Variants in YTHDF3 observed in about 807,000 individuals in gnomAD.
YTHDF3 encodes YTH N6-methyladenosine RNA binding protein F3.
In YTHDF3, 9 loss-of-function variants were observed where a neutral mutation model predicts 52.5. The observed-to-expected ratio is 0.17, with a 90% CI of 0.10 to 0.30. The LOEUF is 0.30. Among genes scored for constraint, YTHDF3 ranks in the 10% least tolerant of loss-of-function variants. The pLI, the probability that YTHDF3 is intolerant of heterozygous loss-of-function variation, is 1.00. For synonymous variants in YTHDF3, 274 were observed against 243.3 expected, an observed-to-expected ratio of 1.13 and a Z score of -1.18; for missense variants, 534 against 715.0, an observed-to-expected ratio of 0.75 and a Z score of 2.89.
At chr8:63,202,753 G>A (rs930227505) in intron 4 of YTHDF3, among the ~76,000 whole-genome samples, 6 of 152,024 alleles carry the variant, frequency 3.9e-5, no homozygotes, top group African/African-American at 1.2e-4. Flanking sequence ...ATGAGCCACC[G>A]CACCTGGCCT....
At chr8:63,174,687 T>G (rs1352253764) in intron 2 of YTHDF3, among the ~76,000 whole-genome samples, 1 of 152,220 alleles carries the variant, frequency 6.6e-6, no homozygotes. Context: ...TATGGCTATC[T>G]TTTGTGTCTT....
intron 4 of YTHDF3, among the ~76,000 whole-genome samples, chr8:63,204,132 T>C (rs1809827455): frequency 6.6e-6 from 1 of 152,172 alleles, no homozygotes; most frequent in African/African-American, 2.4e-5. Context: ...CTTCTGTTTG[T>C]TCTTTTTTCT....
intron 4 of YTHDF3, among the ~76,000 whole-genome samples, chr8:63,196,388 G>A (rs1052663013): frequency 2.0e-5 from 3 of 151,480 alleles, no homozygotes; most frequent in Non-Finnish European, 4.4e-5. Context: ...ATGGTGAAAC[G>A]CTGTCTCTAC....
chr8:63,188,390 G>C (rs1047192540), intron 4 of YTHDF3, among the ~76,000 whole-genome samples: 1 of 150,830 alleles, frequency 6.6e-6, no homozygotes, highest in Non-Finnish European at 1.5e-5. Context: ...GTACTGGCGT[G>C]AACATGGCTC....
intron 3 of YTHDF3, among the ~76,000 whole-genome samples, chr8:63,182,156 A>G (rs1049213645): frequency 6.6e-6 from 1 of 151,114 alleles, no homozygotes; most frequent in Non-Finnish European, 1.5e-5. Flanking sequence ...GCAGCCTCGA[A>G]CTCCTGGGCC....
chr8:63,190,993 T>C (rs1288241403), intron 4 of YTHDF3, among the ~76,000 whole-genome samples: 1 of 152,214 alleles, frequency 6.6e-6, no homozygotes, highest in African/African-American at 2.4e-5. Context: ...TTGGTCAGAA[T>C]ATGTAAGCAA....
chr8:63,172,531 C>T (rs944874824), intron 2 of YTHDF3: 3 of 383,472 alleles, frequency 7.8e-6, no homozygotes, highest in Middle Eastern at 6.7e-4. Flanking sequence ...ATTCTCTCCT[C>T]GTCCTCCCGA....
intron 3 of YTHDF3, among the ~76,000 whole-genome samples, chr8:63,180,654 A>G (rs959569437): frequency 2.0e-5 from 3 of 152,224 alleles, no homozygotes; most frequent in African/African-American, 7.2e-5. Context: ...GCGAGCCGAG[A>G]TCACGCCACT....
At chr8:63,181,918 A>G (rs1321737172) in intron 3 of YTHDF3, among the ~76,000 whole-genome samples, 3 of 152,228 alleles carry the variant, frequency 2.0e-5, no homozygotes, top group African/African-American at 7.2e-5. Flanking sequence ...TGACATGATT[A>G]GATATGCATA....
intron 4 of YTHDF3, among the ~76,000 whole-genome samples, chr8:63,198,714 T>C (rs1277486596): frequency 1.3e-5 from 2 of 152,356 alleles, no homozygotes; most frequent in Non-Finnish European, 2.9e-5. Context: ...AAAATAGTTA[T>C]ACTTATGACA....
intron 3 of YTHDF3, among the ~76,000 whole-genome samples, chr8:63,184,822 C>T (rs543393804): frequency 1.3e-5 from 2 of 152,152 alleles, no homozygotes; most frequent in African/African-American, 2.4e-5. Flanking sequence ...TTGCATAATT[C>T]TACAAATTGT....
intron 4 of YTHDF3, among the ~76,000 whole-genome samples, chr8:63,196,134 GCCAGTATT>G (rs1228584818): frequency 6.6e-6 from 1 of 151,940 alleles, no homozygotes; most frequent in Non-Finnish European, 1.5e-5. Context: ...GGTGGCAAGT[GCCAGTATT>G]CCAGCTACTT....
chr8:63,175,070 C>T (rs1807594131), intron 2 of YTHDF3, among the ~76,000 whole-genome samples: 1 of 152,084 alleles, frequency 6.6e-6, no homozygotes, highest in South Asian at 2.1e-4. Context: ...GGGATATTTA[C>T]TTAAAGTTTT....
intron 4 of YTHDF3, among the ~76,000 whole-genome samples, chr8:63,205,931 A>G (rs1395670135): frequency 6.6e-6 from 1 of 152,118 alleles, no homozygotes; most frequent in African/African-American, 2.4e-5. Flanking sequence ...TGTTCTGTTG[A>G]TGGACTTTTT....
chr8:63,174,725 T>C (rs1277969007), intron 2 of YTHDF3, among the ~76,000 whole-genome samples: 4 of 152,222 alleles, frequency 2.6e-5, no homozygotes, highest in African/African-American at 9.6e-5. Context: ...CATGTGAAAG[T>C]CTTCATTCTG....
chr8:63,183,454 G>A (rs1014954250), intron 3 of YTHDF3, among the ~76,000 whole-genome samples: 1 of 152,048 alleles, frequency 6.6e-6, no homozygotes, highest in African/African-American at 2.4e-5. Flanking sequence ...AGCTTCCAAA[G>A]TTTAGTCATT....
At chr8:63,172,668 G>T in intron 2 of YTHDF3, 1 of 730,664 alleles carries the variant, frequency 1.4e-6, no homozygotes, top group Non-Finnish European at 1.9e-6. Flanking sequence ...GAAACATGAT[G>T]CACAGATCTG....
At position 63,169,390 on chromosome 8, in the gene YTHDF3, C is replaced by T. The variant is rs768185920; in HGVS notation, c.28C>T (p.Pro10Ser). 3 of 1,601,708 alleles carry T rather than the reference C, an allele frequency of 1.9e-6. No homozygotes were observed. In the South Asian group the frequency reaches 3.4e-5, roughly 18 times the overall value. The part of the protein sequence containing the change: MSATSVDQR[P>S]KGQGNKVSVQ... ...CATCTTTCGTCTTGCAACACAGAGA[C>T]CTAAAGGGCAAGGAAATAAAGGTGA... The change falls in exon 2 of 5, where the codon CCT becomes TCT. Residue 10 changes from proline (P) to serine (S), a missense_variant. Pro to Ser is a moderately conservative substitution (Grantham distance 74). This residue lies in a region of YTHDF3 where 196 missense variants were observed against 299.5 expected (regional missense o/e 0.65). Transcript: ENST00000539294.
At chr8:63,190,779 G>C (rs577916503) in intron 4 of YTHDF3, among the ~76,000 whole-genome samples, 1 of 152,174 alleles carries the variant, frequency 6.6e-6, no homozygotes, top group Non-Finnish European at 1.5e-5. Context: ...GTGCTTGAAT[G>C]TCAGAGCCTA....
Sources: allele counts gnomAD v4.1 joint callset (sites outside exome capture counted in the v4.1 genomes callset), GRCh38; gene constraint gnomAD v4.1.1; regional missense constraint gnomAD v4.1.1; transcripts MANE v1.5; gene names NCBI Gene and HGNC (gene_info 2026-07-23, HGNC 2026-07-21).